Variants in OPCML observed in about 807,000 individuals in gnomAD.
The protein encoded by OPCML is opioid binding protein/cell adhesion molecule like, also known as opioid-binding protein/cell adhesion molecule.
Under a neutral mutation model 37.8 loss-of-function variants are expected in OPCML, and 13 were observed. The ratio of observed to expected loss-of-function variants is 0.34; its 90% CI spans 0.22 to 0.55. The LOEUF is 0.55. OPCML is among the 20% of genes least tolerant of loss of function. OPCML has a pLI of 0.91. For missense variants in OPCML, 341 were observed against 435.6 expected, an observed-to-expected ratio of 0.78 and a Z score of 1.93; for synonymous variants, 176 against 168.8, an observed-to-expected ratio of 1.04 and a Z score of -0.33.
intron 1 of OPCML, among the ~76,000 whole-genome samples, chr11:133,436,101 G>A (rs887372554): frequency 6.6e-6 from 1 of 152,004 alleles, no homozygotes; most frequent in Non-Finnish European, 1.5e-5. Context: ...TGTAGTAGAT[G>A]AGTTTTAAAA....
At chr11:132,446,465 A>T (rs2096055486) in intron 4 of OPCML, among the ~76,000 whole-genome samples, 2 of 152,128 alleles carry the variant, frequency 1.3e-5, no homozygotes, top group African/African-American at 4.8e-5. Context: ...TTTGGGCCAA[A>T]AAAAGTCGCT....
chr11:132,670,195 A>G (rs774607055), intron 2 of OPCML, among the ~76,000 whole-genome samples: 26 of 152,330 alleles, frequency 1.7e-4, no homozygotes, highest in Non-Finnish European at 2.9e-4. Context: ...AAAAGTATAA[A>G]TTAAAATTTT....
chr11:132,581,255 G>A (rs1261138570), intron 3 of OPCML, among the ~76,000 whole-genome samples: 2 of 152,106 alleles, frequency 1.3e-5, no homozygotes, highest in East Asian at 3.9e-4. Flanking sequence ...TTAATTTTGT[G>A]TTTCCAGCTA....
In OPCML at chr11:132,657,231, G is replaced by C; in HGVS notation, c.235C>G (p.Pro79Ala). Reference protein sequence around the residue: ...YAGNDKWSIDPRVIILVNTPT... With the variant: ...YAGNDKWSIDARVIILVNTPT... Reference sequence around the variant, plus strand: ...GTATTGACCAGGATGATCACACGAGGGTCTATGGACCACTTGTCATTCCCA... The same window carrying C: ...GTATTGACCAGGATGATCACACGAGCGTCTATGGACCACTTGTCATTCCCA... Residue 79 changes from proline (P) to alanine (A), a missense_variant, in exon 3 of 8, where the codon CCT becomes GCT. Coordinates refer to ENST00000524381, the MANE Select transcript of OPCML (RefSeq NM_001012393.5). 1.2e-6 allele frequency: 2 copies of C among 1,614,220 alleles called. No individual in the cohort carries two copies. Among genetic ancestry groups the C allele is most frequent in the Non-Finnish European group, 1.7e-6 (2 of 1,180,040 alleles).
intron 2 of OPCML, among the ~76,000 whole-genome samples, chr11:132,683,813 A>T (rs1943053714): frequency 6.6e-6 from 1 of 152,164 alleles, no homozygotes; most frequent in Admixed American, 6.5e-5. Flanking sequence ...ACCTTGGGCA[A>T]GGGACCTTGG....
chr11:132,495,342 C>A (rs2096228010), intron 4 of OPCML, among the ~76,000 whole-genome samples: 1 of 152,096 alleles, frequency 6.6e-6, no homozygotes, highest in East Asian at 1.9e-4. Context: ...TCGAAACATA[C>A]CCTAGAGATA....
At chr11:132,479,458 A>G (rs896602607) in intron 4 of OPCML, among the ~76,000 whole-genome samples, 10 of 152,208 alleles carry the variant, frequency 6.6e-5, no homozygotes, top group African/African-American at 1.7e-4. Context: ...AGGGGCGCCC[A>G]CCATTGCCCA....
At chr11:133,492,442 C>G (rs1947684718) in intron 1 of OPCML, among the ~76,000 whole-genome samples, 1 of 151,968 alleles carries the variant, frequency 6.6e-6, no homozygotes, top group South Asian at 2.1e-4. Flanking sequence ...TATATAAAAG[C>G]AAAGGGAGGA....
chr11:133,039,188 C>A (rs1304952970), intron 1 of OPCML, among the ~76,000 whole-genome samples: 1 of 152,116 alleles, frequency 6.6e-6, no homozygotes, highest in Non-Finnish European at 1.5e-5. Context: ...TAGGCTTTAT[C>A]CTTGCCACAG....
At chr11:132,871,060 A>T (rs1942776428) in intron 2 of OPCML, among the ~76,000 whole-genome samples, 1 of 152,206 alleles carries the variant, frequency 6.6e-6, no homozygotes, top group Admixed American at 6.5e-5. Context: ...AAGTGTTCTC[A>T]TTACAAAAAA....
intron 3 of OPCML, among the ~76,000 whole-genome samples, chr11:132,643,997 T>C (rs1166954125): frequency 5.3e-5 from 8 of 152,358 alleles, no homozygotes; most frequent in Non-Finnish European, 8.8e-5. Flanking sequence ...TCCCAGATCA[T>C]TGCGGAGTTT....
chr11:132,493,483 T>C (rs776826039), intron 4 of OPCML, among the ~76,000 whole-genome samples: 3 of 152,212 alleles, frequency 2.0e-5, no homozygotes, highest in Non-Finnish European at 4.4e-5. Context: ...TCCTTCTCCC[T>C]AGCTTTTAAT....
At position 132,694,179 on chromosome 11, in the gene OPCML, CTTTTTTTT is replaced by C. The variant is rs1162305568; in HGVS notation, c.147-36868_147-36861del. ...GAGTTTCGTTCTGTGAAATCAATGT[CTTTTTTTT>C]TTTTTTTTTTTTTTTTTTTTTTTTT... On this transcript the variant is annotated intron_variant, in intron 2 of 7. Coordinates refer to ENST00000524381, the MANE Select transcript of OPCML (RefSeq NM_001012393.5). Among the ~76,000 whole-genome samples, 44 of 43,006 alleles carry C rather than the reference CTTTTTTTT, an allele frequency of 1.0e-3. 1 individual carries two copies. Among genetic ancestry groups the C allele is most frequent in the African/African-American group, 2.4e-3 (27 of 11,028 alleles). The allele number at this position is 43,006 out of a possible 152,430, so 28.2% of individuals were successfully genotyped here.
intron 4 of OPCML, among the ~76,000 whole-genome samples, chr11:132,487,633 C>T (rs912880373): frequency 2.0e-5 from 3 of 152,152 alleles, no homozygotes; most frequent in Non-Finnish European, 4.4e-5. Context: ...TGACACTTTC[C>T]CGTTAGGACC....
intron 1 of OPCML, among the ~76,000 whole-genome samples, chr11:133,263,660 G>A (rs115378905): frequency 4.6e-4 from 70 of 152,236 alleles, no homozygotes; most frequent in African/African-American, 1.3e-3. Context: ...CATGAGAGGC[G>A]TGTGTTTTGA....
chr11:132,948,681 A>G (rs748109371), intron 1 of OPCML, among the ~76,000 whole-genome samples: 1 of 152,228 alleles, frequency 6.6e-6, no homozygotes, highest in Non-Finnish European at 1.5e-5. Context: ...CATAAAAACC[A>G]TAATTAATAT....
At chr11:132,723,244 T>C (rs1944742622) in intron 2 of OPCML, among the ~76,000 whole-genome samples, 1 of 152,248 alleles carries the variant, frequency 6.6e-6, no homozygotes, top group South Asian at 2.1e-4. Context: ...CAAAACCGTA[T>C]ATTAATGCCA....
chr11:133,325,788 G>C (rs1188496446), intron 1 of OPCML, among the ~76,000 whole-genome samples: 1 of 152,170 alleles, frequency 6.6e-6, no homozygotes, highest in African/African-American at 2.4e-5. Flanking sequence ...GAATGAGAAA[G>C]ACATGTCCTT....
chr11:133,007,297 C>G, intron 1 of OPCML: 1 of 985,376 alleles, frequency 1.0e-6, no homozygotes, highest in Non-Finnish European at 1.2e-6. Context: ...TTGCAGGATA[C>G]AGCTCCATCT....
Sources: allele counts gnomAD v4.1 joint callset (sites outside exome capture counted in the v4.1 genomes callset), GRCh38; gene constraint gnomAD v4.1.1; transcripts MANE v1.5; gene names NCBI Gene and HGNC (gene_info 2026-07-23, HGNC 2026-07-21).